The following FSD1L variants were observed in gnomAD, a reference collection of about 807,000 sequenced individuals.
FSD1L encodes fibronectin type III and SPRY domain containing 1 like.
A neutral mutation model predicts 71.6 loss-of-function variants in FSD1L; 45 were observed. The ratio of observed to expected loss-of-function variants is 0.63; its 90% CI spans 0.49 to 0.81. The LOEUF is 0.81. Ranked by LOEUF, FSD1L falls within the 30% of genes least tolerant of loss-of-function variation. FSD1L has a pLI of 0.00. For synonymous variants in FSD1L, 197 were observed against 207.2 expected (o/e 0.95, Z 0.42); for missense variants, 561 against 618.1 (o/e 0.91, Z 0.98).
At chr9:105,514,629 A>G (rs1352301254) in intron 10 of FSD1L, among the ~76,000 whole-genome samples, 1 of 152,232 alleles carries the variant, frequency 6.6e-6, no homozygotes, top group Non-Finnish European at 1.5e-5. Context: ...GTGGTTAGGT[A>G]GGATAGCCAA....
chr9:105,471,549 C>T (rs529033524), intron 4 of FSD1L, among the ~76,000 whole-genome samples: 2 of 152,078 alleles, frequency 1.3e-5, no homozygotes, highest in African/African-American at 4.8e-5. Flanking sequence ...TCTTGAATTG[C>T]TAGTTTTTAA....
At chr9:105,491,817 A>C (rs1335083252) in intron 7 of FSD1L, among the ~76,000 whole-genome samples, 1 of 152,054 alleles carries the variant, frequency 6.6e-6, no homozygotes, top group African/African-American at 2.4e-5. Context: ...ATTTGCGTAT[A>C]TTGAACCAGC....
At chr9:105,442,596 G>A in the FSD1L span, among the ~76,000 whole-genome samples, 4 of 152,142 alleles carry the variant, frequency 2.6e-5, no homozygotes, top group Admixed American at 2.0e-4. Context: ...GCTGAGGTGC[G>A]AGGATGGCTT....
Position 105,525,161 on chromosome 9 carries a change from A to G in FSD1L, c.1026-9332A>G, listed in dbSNP as rs1835428854. The stretch of plus-strand genomic sequence containing the variant: ...CATGCTTTCATTGTCTCACCAAGAG[A>G]AGCCAGAAGAGCCTCCGACATCTAA... On this transcript the variant is annotated intron_variant, in intron 10 of 13. Transcript: ENST00000481272. 9 of 1,576,804 alleles carry G rather than the reference A, an allele frequency of 5.7e-6. No homozygotes were observed. In the African/African-American group the frequency reaches 1.1e-4, roughly 19 times the overall value.
chr9:105,538,726 A>G (rs1836422978), intron 12 of FSD1L, among the ~76,000 whole-genome samples: 1 of 152,208 alleles, frequency 6.6e-6, no homozygotes, highest in African/African-American at 2.4e-5. Flanking sequence ...GCTTGAGCTC[A>G]GGAGTTCAAG....
At chr9:105,509,498 G>A (rs1346897007) in intron 9 of FSD1L, among the ~76,000 whole-genome samples, 1 of 152,116 alleles carries the variant, frequency 6.6e-6, no homozygotes, top group Non-Finnish European at 1.5e-5. Context: ...GTTATTGACT[G>A]GGTTTAATTC....
At chr9:105,442,426 C>G in the FSD1L span, among the ~76,000 whole-genome samples, 9,704 of 152,030 alleles carry the variant, frequency 0.064, 643 homozygotes, top group African/African-American at 0.17. Context: ...CACCTGTAAT[C>G]TCAGCAGTTT....
At chr9:105,544,765 T>C (rs1230447691) in intron 13 of FSD1L, among the ~76,000 whole-genome samples, 1 of 152,212 alleles carries the variant, frequency 6.6e-6, no homozygotes, top group African/African-American at 2.4e-5. Context: ...CTGAGGGCTC[T>C]GTTCTGTTCC....
At chr9:105,542,176 CT>C (rs1352654011) in intron 13 of FSD1L, among the ~76,000 whole-genome samples, 1 of 152,154 alleles carries the variant, frequency 6.6e-6, no homozygotes, top group Non-Finnish European at 1.5e-5. Context: ...TCATGGGGAA[CT>C]ACCAAAATGT....
At chr9:105,486,234 T>A (rs1832541769) in intron 7 of FSD1L, among the ~76,000 whole-genome samples, 1 of 152,218 alleles carries the variant, frequency 6.6e-6, no homozygotes, top group Non-Finnish European at 1.5e-5. Context: ...CTTTCAGAAT[T>A]TCTATATTTT....
intron 7 of FSD1L, among the ~76,000 whole-genome samples, chr9:105,504,031 A>G (rs992364290): frequency 1.3e-5 from 2 of 152,202 alleles, no homozygotes; most frequent in Non-Finnish European, 2.9e-5. Flanking sequence ...AACTAGTCCT[A>G]CTCACCAATT....
At chr9:105,528,943 C>G (rs1388309507) in intron 10 of FSD1L, among the ~76,000 whole-genome samples, 3 of 152,114 alleles carry the variant, frequency 2.0e-5, no homozygotes, top group Admixed American at 6.5e-5. Context: ...AAGAAAAAAA[C>G]AACCCCATCG....
At chr9:105,543,508 T>C (rs1054325962) in intron 13 of FSD1L, among the ~76,000 whole-genome samples, 3 of 152,192 alleles carry the variant, frequency 2.0e-5, no homozygotes, top group African/African-American at 4.8e-5. Flanking sequence ...TATGTATACA[T>C]GTGCCATGTT....
intron 10 of FSD1L, chr9:105,524,809 A>G (rs1392094922): frequency 6.3e-7 from 1 of 1,589,768 alleles, no homozygotes; most frequent in South Asian, 1.1e-5. Flanking sequence ...CACCTGGGCC[A>G]TTATCCAATG....
At chr9:105,451,290 C>G (rs1829987774) in intron 1 of FSD1L, among the ~76,000 whole-genome samples, 1 of 152,192 alleles carries the variant, frequency 6.6e-6, no homozygotes, top group South Asian at 2.1e-4. Context: ...ATCTTTTCTG[C>G]TATTATATCT....
chr9:105,519,135 C>T (rs1156531460), intron 10 of FSD1L, among the ~76,000 whole-genome samples: 1 of 152,140 alleles, frequency 6.6e-6, no homozygotes, highest in Non-Finnish European at 1.5e-5. Flanking sequence ...AGACCAATAA[C>T]AAATTCTGAA....
At chr9:105,447,988 G>A (rs1462036557), upstream of FSD1L, 5 of 549,002 alleles carry the variant, frequency 9.1e-6, no homozygotes, top group Non-Finnish European at 1.3e-5. Flanking sequence ...CAGCCGCTGC[G>A]CGCAGGCGCG....
chr9:105,442,262 G>T, the FSD1L span, among the ~76,000 whole-genome samples: 3 of 152,154 alleles, frequency 2.0e-5, no homozygotes, highest in Non-Finnish European at 4.4e-5. Context: ...GTGACGGTGG[G>T]GAGAGGAGAT....
At chr9:105,520,121 C>A in intron 10 of FSD1L, 3 of 1,593,612 alleles carry the variant, frequency 1.9e-6, no homozygotes, top group Non-Finnish European at 2.6e-6. Context: ...GCAGTGGCAG[C>A]GGCAGGATGT....
Sources: gnomAD v4.1 joint callset for allele counts (sites outside exome capture counted in the v4.1 genomes callset) on GRCh38, gnomAD v4.1.1 for gene constraint, MANE v1.5 for transcripts, NCBI Gene and HGNC (gene_info 2026-07-23, HGNC 2026-07-21) for gene names.